CUBN: variants seen among roughly 807,000 people sequenced by gnomAD.
The protein encoded by CUBN is 460 kDa receptor.
A neutral mutation model predicts 405.3 loss-of-function variants in CUBN; 282 were observed. The observed-to-expected ratio is 0.70, with a 90% confidence interval of 0.63 to 0.77. The LOEUF (loss-of-function observed/expected upper bound fraction) is 0.77. Ranked by LOEUF, CUBN falls within the 30% of genes least tolerant of loss-of-function variation. The probability of loss-of-function intolerance (pLI) is 0.00; values close to 1 mark genes in which losing one functional copy is unlikely to be tolerated. For synonymous variants in CUBN, 1,684 were observed against 1,617.0 expected, an observed-to-expected ratio of 1.04 and a Z score of -0.99; for missense variants, 4,514 against 4,475.2, an observed-to-expected ratio of 1.01 and a Z score of -0.25.
At chr10:16,907,485 G>T in intron 49 of CUBN, 23 bp downstream of exon 49, 1 of 1,613,426 alleles carries the variant, frequency 6.2e-7, no homozygotes. Context: ...AAAATGGGGG[G>T]CATTTACAAC....
chr10:16,935,699 G>A (rs1199688743), intron 39 of CUBN, among the ~76,000 whole-genome samples: 1 of 151,832 alleles, frequency 6.6e-6, no homozygotes, highest in Non-Finnish European at 1.5e-5. Flanking sequence ...CTAACACGGT[G>A]AAACCCCATC....
At position 16,877,094 on chromosome 10, in the gene CUBN, C is replaced by G. The variant is rs540096595; in HGVS notation, c.8909G>C (p.Arg2970Pro). 6.2e-7 allele frequency: 1 copy of G among 1,613,002 alleles called. No homozygotes were observed. The highest frequency in any genetic ancestry group is 2.2e-5 in the East Asian group (1 of 44,800). The change falls in exon 57 of 67, where the codon CGT (arginine) becomes CCT (proline). Residue 2970 changes from arginine (R) to proline (P), a missense_variant. This residue lies in a region of CUBN where 1,186 missense variants were observed against 1,186.9 expected (regional missense o/e 1.00). Coordinates refer to ENST00000377833, the MANE Select transcript of CUBN (RefSeq NM_001081.4). ...LTFVSFHLEA[R>P]SAVTGSCVND... Reference sequence around the variant, plus strand: ...GACACAGCTTCCCGTCACAGCGGAACGAGCTGGAAAAGGCATGGAACAACC... The same window carrying G: ...GACACAGCTTCCCGTCACAGCGGAAGGAGCTGGAAAAGGCATGGAACAACC...
At chr10:16,949,456 TGTGTGTGTA>T (rs752591547) in intron 34 of CUBN, among the ~76,000 whole-genome samples, 8,459 of 80,820 alleles carry the variant, frequency 0.1, 341 homozygotes, top group Non-Finnish European at 0.19. Flanking sequence ...TGTGTGTGTG[TGTGTGTGTA>T]GTGTGTGTGT....
intron 60 of CUBN, 94 bp downstream of exon 60, chr10:16,851,141 A>T: frequency 9.4e-7 from 1 of 1,068,908 alleles, no homozygotes. Context: ...CTGTACTCAA[A>T]ATTAGCAGGA....
chr10:16,877,783 T>A (rs910606624), intron 56 of CUBN, among the ~76,000 whole-genome samples: 3 of 151,978 alleles, frequency 2.0e-5, no homozygotes, highest in Non-Finnish European at 2.9e-5. Context: ...CAAAGAAAAA[T>A]ATAAAACAAA....
intron 48 of CUBN, among the ~76,000 whole-genome samples, chr10:16,912,877 A>G (rs1008147536): frequency 6.6e-6 from 1 of 152,246 alleles, no homozygotes; most frequent in African/African-American, 2.4e-5. Flanking sequence ...AAAGGCAGCA[A>G]CATGATCCGA....
rs141499008 is a variant in CUBN, at chr10:17,127,973, A to G, written c.253-49T>C. The G allele has an allele frequency of 1.4e-3, 1,723 of 1,242,978 alleles. 22 individuals carry two copies. In the African/African-American group the frequency reaches 0.021, roughly 15 times the overall value. 77.0% of individuals were successfully genotyped at this position (1,242,978 alleles called of 1,614,324 possible). ...AATGAAGAGCACTAGTGAAAATATC[A>G]TATTTATCTTTACAGTAACATAATT... is the stretch of plus-strand genomic sequence containing the variant. On this transcript the variant is annotated intron_variant, in intron 2 of 66. Transcript: ENST00000377833.
intron 8 of CUBN, 101 bp from the exon 9 acceptor site, chr10:17,111,151 C>G (rs963687243): frequency 1.6e-5 from 21 of 1,327,478 alleles, no homozygotes; most frequent in Admixed American, 1.8e-5. Flanking sequence ...ACCTAAGGAA[C>G]TATAAAATAA....
chr10:16,954,474 G>A lies in CUBN; in HGVS notation c.4770C>T (p.Ile1590=), dbSNP rs529907907. The change falls in exon 32 of 67, where the codon ATC becomes ATT. Residue 1590 remains isoleucine (I), a synonymous_variant. Coordinates refer to ENST00000377833, the MANE Select transcript of CUBN (RefSeq NM_001081.4). ...TCGREQLANP[I]VSSGNSLFLR... The stretch of plus-strand genomic sequence containing the variant: ...AGAAGAGGCTGTTTCCTGAGGAGAC[G>A]ATGGGGTTAGCCAGCTGCTCCCTTC... 8 of 1,614,056 alleles carry A rather than the reference G, an allele frequency of 5.0e-6. No individual in the cohort carries two copies. The highest frequency in any genetic ancestry group is 2.2e-5 in the South Asian group (2 of 91,076).
intron 28 of CUBN, among the ~76,000 whole-genome samples, chr10:17,010,388 C>A (rs189710907): frequency 6.6e-6 from 1 of 152,108 alleles, no homozygotes; most frequent in Non-Finnish European, 1.5e-5. Flanking sequence ...CACCTGTAAT[C>A]CCATCACTTT....
In CUBN at chr10:16,831,392, G is replaced by A. The variant is rs774213488; in HGVS notation, c.10388C>T (p.Ser3463Leu). Residue 3463 changes from serine to leucine, a missense_variant, in exon 65 of 67, where the codon TCA becomes TTA. By Grantham distance (145) the Ser-to-Leu change is moderately radical. Coordinates refer to ENST00000377833, the MANE Select transcript of CUBN (RefSeq NM_001081.4). ...TCCACAGTACTTGCCCAGTAATGGT[G>A]AATTGCTGTTACTTCCATTTCTCAC... ...LEVRNGSNSN[S>L]PLLGKYCGTL... 3.7e-6 allele frequency: 6 copies of A among 1,613,894 alleles called. No individual in the cohort carries two copies.
chr10:17,078,519 G>A (rs542837928), intron 17 of CUBN, among the ~76,000 whole-genome samples: 5 of 152,240 alleles, frequency 3.3e-5, no homozygotes, highest in Non-Finnish European at 7.4e-5. Flanking sequence ...TTCTCTTACA[G>A]TACTGTTTCT....
intron 17 of CUBN, among the ~76,000 whole-genome samples, chr10:17,082,904 C>T (rs952458109): frequency 1.3e-5 from 2 of 152,028 alleles, no homozygotes; most frequent in Admixed American, 6.6e-5. Flanking sequence ...AAATAACTCA[C>T]GAAAAGCACT....
intron 21 of CUBN, among the ~76,000 whole-genome samples, chr10:17,066,329 T>C (rs138592084): frequency 1.5e-4 from 23 of 152,266 alleles, no homozygotes; most frequent in African/African-American, 5.5e-4. Flanking sequence ...TGAGCTTTTA[T>C]CTGGAGAAAT....
chr10:17,123,431 C>A, intron 5 of CUBN, 157 bp downstream of exon 5: 1 of 702,370 alleles, frequency 1.4e-6, no homozygotes, highest in South Asian at 1.6e-5. Flanking sequence ...ATACTCACCA[C>A]TGTTTGGGTT....
At position 16,899,092 on chromosome 10, in the gene CUBN, C is replaced by T. The variant is rs749545791; in HGVS notation, c.8502G>A (p.Thr2834=). The change falls in exon 54 of 67, where the codon ACG becomes ACA. Residue 2834 remains threonine, a synonymous_variant. Transcript: ENST00000377833. The part of the protein sequence containing the change: ...NFPENSRCSW[T]AITHKSKHLE... ...AGTGTTTACTTTTGTGAGTAATGGC[C>T]GTCCAGGAACATCTGCTGTTTTCGG... 1.7e-5 allele frequency: 28 copies of T among 1,613,300 alleles called. No individual in the cohort carries two copies. Among genetic ancestry groups the T allele is most frequent in the East Asian group, 6.7e-5 (3 of 44,870 alleles).
At chr10:17,124,592 C>G (rs1272808916) in intron 4 of CUBN, among the ~76,000 whole-genome samples, 1 of 151,842 alleles carries the variant, frequency 6.6e-6, no homozygotes, top group African/African-American at 2.4e-5. Flanking sequence ...CCACGCCCAG[C>G]TAATTTTTTG....
intron 31 of CUBN, among the ~76,000 whole-genome samples, chr10:16,977,803 G>T (rs988185866): frequency 5.9e-5 from 9 of 152,212 alleles, no homozygotes; most frequent in South Asian, 4.1e-4. Context: ...CCCGGCTCCT[G>T]CACCCCTGTC....
At chr10:16,895,994 C>T (rs116834767) in intron 54 of CUBN, among the ~76,000 whole-genome samples, 76 of 152,118 alleles carry the variant, frequency 5.0e-4, no homozygotes, top group African/African-American at 1.7e-3. Context: ...TTGATATTAG[C>T]GTTTTTCTGT....
Sources: gnomAD v4.1 joint callset for allele counts (sites outside exome capture counted in the v4.1 genomes callset) on GRCh38, gnomAD v4.1.1 for gene constraint, gnomAD v4.1.1 regional missense constraint, MANE v1.5 for transcripts, NCBI Gene and HGNC (gene_info 2026-07-23, HGNC 2026-07-21) for gene names.